Variants in ADGRV1 observed in about 807,000 individuals in gnomAD.
ADGRV1 encodes the protein adhesion G protein-coupled receptor V1.
ADGRV1 carries 359 observed loss-of-function variants against 596.2 expected under a neutral mutation model. The ratio of observed to expected loss-of-function variants is 0.60; its 90% CI spans 0.55 to 0.66. The LOEUF (loss-of-function observed/expected upper bound fraction) is 0.66. ADGRV1 is among the 30% of genes least tolerant of loss of function. ADGRV1 has a pLI of 0.00. For missense variants in ADGRV1, 7,274 were observed against 7,575.6 expected, an observed-to-expected ratio of 0.96 and a Z score of 1.48; for synonymous variants, 2,681 against 2,679.2, an observed-to-expected ratio of 1.00 and a Z score of -0.02.
In ADGRV1 at chr5:90,627,478, G is replaced by A. The variant is rs533540279; in HGVS notation, c.940G>A (p.Ala314Thr). 27 of 1,613,968 alleles carry A rather than the reference G, an allele frequency of 1.7e-5. No individual in the cohort carries two copies. In the East Asian group the frequency reaches 5.3e-4, roughly 32 times the overall value. The change falls in exon 7 of 90, where the codon GCA becomes ACA. Residue 314 changes from alanine to threonine, a missense_variant. Coordinates refer to ENST00000405460, the MANE Select transcript of ADGRV1 (RefSeq NM_032119.4). ...SYAVTTGNST[A>T]HAQQNLDFID... is the part of the protein sequence containing the mutation. ...TGCTGTCACAACTGGGAATTCCACAGCACATGCCCAGCAAAATCTGGACTT... is the reference window on the plus strand; with the variant it reads ...TGCTGTCACAACTGGGAATTCCACAACACATGCCCAGCAAAATCTGGACTT...
At chr5:90,722,528 C>T (rs781236787) in intron 45 of ADGRV1, among the ~76,000 whole-genome samples, 71 of 150,920 alleles carry the variant, frequency 4.7e-4, no homozygotes, top group Non-Finnish European at 8.3e-4. Flanking sequence ...CTGACCCACA[C>T]GGAGAAACCC....
intron 34 of ADGRV1, among the ~76,000 whole-genome samples, chr5:90,699,680 T>C (rs1047804294): frequency 6.6e-6 from 1 of 152,118 alleles, no homozygotes; most frequent in African/African-American, 2.4e-5. Context: ...GTGCTAGTGG[T>C]GAGTTGGAGG....
intron 83 of ADGRV1, among the ~76,000 whole-genome samples, chr5:90,909,565 G>A (rs1375965270): frequency 7.7e-6 from 1 of 130,160 alleles, no homozygotes; most frequent in African/African-American, 2.7e-5. Flanking sequence ...CAACCAACTT[G>A]CTTGGTATGA....
chr5:90,686,003 A>G lies in ADGRV1; in HGVS notation c.6490+8A>G, dbSNP rs770383239. On this transcript the variant is annotated splice_region_variant and intron_variant, in intron 29 of 89. Transcript: ENST00000405460. ...CAATAACTGCAATAGCTGGTAAGAA[A>G]AGACATCTAAAAAGCAGTACATACA... 5 of 1,552,024 alleles carry G rather than the reference A, an allele frequency of 3.2e-6. No homozygotes were observed. The Admixed American group carries it at 9.4e-5, about 29-fold the overall frequency.
chr5:90,727,844 A>G (rs1752005137), intron 48 of ADGRV1, among the ~76,000 whole-genome samples: 1 of 152,176 alleles, frequency 6.6e-6, no homozygotes, highest in East Asian at 1.9e-4. Context: ...TATTCAGATA[A>G]TGACAAATTT....
At chr5:91,024,790 A>G (rs1258513327) in intron 85 of ADGRV1, among the ~76,000 whole-genome samples, 4 of 152,142 alleles carry the variant, frequency 2.6e-5, no homozygotes, top group African/African-American at 7.2e-5. Flanking sequence ...TGCCCTTTAA[A>G]TTTCTTGCCA....
chr5:90,937,924 G>A (rs1775851263), intron 83 of ADGRV1, among the ~76,000 whole-genome samples: 5 of 152,060 alleles, frequency 3.3e-5, no homozygotes, highest in Admixed American at 1.3e-4. Context: ...TTGTCAGATT[G>A]TTTCATAAAG....
chr5:90,794,372 CAAT>C (rs1290033963), intron 70 of ADGRV1, among the ~76,000 whole-genome samples: 1 of 152,146 alleles, frequency 6.6e-6, no homozygotes, highest in Non-Finnish European at 1.5e-5. Flanking sequence ...CACAGACTGA[CAAT>C]AAGAATCATT....
In ADGRV1 at chr5:90,653,854, T is replaced by C. The variant is rs1190604387; in HGVS notation, c.4280T>C (p.Leu1427Pro). 1 of 1,610,520 alleles carries C rather than the reference T, an allele frequency of 6.2e-7. No individual in the cohort carries two copies. The highest frequency in any genetic ancestry group is 1.3e-5 in the African/African-American group (1 of 74,926). Reference sequence around the variant, plus strand: ...TTAGAAGAAAGTGTTTGGCTTCATCTACTAATTATCCTGGAGGATGGTATA... The same window carrying C: ...TTAGAAGAAAGTGTTTGGCTTCATCCACTAATTATCCTGGAGGATGGTATA... Reference protein sequence around the residue: ...KYLEESVWLHLLIILEDGIIE... With the variant: ...KYLEESVWLHPLIILEDGIIE... Residue 1427 changes from leucine (L) to proline (P), a missense_variant, in exon 20 of 90, where the codon CTA becomes CCA. Transcript: ENST00000405460.
At chr5:90,850,412 A>G (rs16869171) in intron 79 of ADGRV1, among the ~76,000 whole-genome samples, 1,829 of 152,264 alleles carry the variant, frequency 0.012, 28 homozygotes, top group African/African-American at 0.041. Context: ...TCTGAGACCA[A>G]TGATTAACAG....
rs572418411 is a variant in ADGRV1 at position 90,914,550 on chromosome 5, A to C, written c.17856+50693A>C. The stretch of plus-strand genomic sequence containing the variant: ...AGAGTTTTAATTTTATGTTGAGTAA[A>C]ACATACCTTTACAGCAAATGTACTA... On this transcript the variant is annotated intron_variant, in intron 83 of 89. Transcript: ENST00000405460. 2.4e-4 allele frequency among the ~76,000 whole-genome samples: 37 copies of C among 152,332 alleles called. 1 individual carries two copies. Among genetic ancestry groups the C allele is most frequent in the Admixed American group, 1.7e-3 (26 of 15,302 alleles).
chr5:90,842,258 T>C (rs943438548), intron 78 of ADGRV1, among the ~76,000 whole-genome samples: 1 of 152,208 alleles, frequency 6.6e-6, no homozygotes, highest in Non-Finnish European at 1.5e-5. Flanking sequence ...TTACTAGTAC[T>C]ATCGTGAATA....
chr5:90,564,693 C>T (rs1755347968), intron 1 of ADGRV1, among the ~76,000 whole-genome samples: 1 of 87,716 alleles, frequency 1.1e-5, no homozygotes, highest in Non-Finnish European at 2.2e-5. Context: ...GTGGCGCGAT[C>T]TCGGCTCACT....
chr5:91,075,098 G>T (rs577899849), intron 86 of ADGRV1, among the ~76,000 whole-genome samples: 8 of 151,998 alleles, frequency 5.3e-5, no homozygotes, highest in Non-Finnish European at 7.4e-5. Context: ...CATTGTGAGC[G>T]CATAGTTTGC....
rs971919629 is a variant in ADGRV1, at chr5:90,780,735, G to A, written c.13083-695G>A. On this transcript the variant is annotated intron_variant, in intron 64 of 89. Coordinates refer to ENST00000405460, the MANE Select transcript of ADGRV1 (RefSeq NM_032119.4). ...TTTTCTTTCTTTCCAAAGTCTTGCT[G>A]TGTCACCCAGGACAGAGTGCAGTGG... is the stretch of plus-strand genomic sequence containing the variant. Among the ~76,000 whole-genome samples the A allele has an allele frequency of 2.0e-5, 3 of 150,702 alleles. No homozygotes were observed. In the East Asian group the frequency reaches 5.8e-4, roughly 29 times the overall value.
chr5:90,939,065 A>C (rs1223730679), intron 83 of ADGRV1, among the ~76,000 whole-genome samples: 2 of 152,226 alleles, frequency 1.3e-5, no homozygotes, highest in African/African-American at 4.8e-5. Flanking sequence ...GAAGACTGAT[A>C]ATCTGTTTTA....
intron 17 of ADGRV1, among the ~76,000 whole-genome samples, chr5:90,650,725 A>G (rs1004492920): frequency 6.0e-5 from 9 of 150,980 alleles, no homozygotes; most frequent in African/African-American, 2.2e-4. Context: ...CTGTATGTGT[A>G]TGTGTGTGTG....
chr5:90,802,654 C>T (rs1761496948), intron 70 of ADGRV1, 85 bp from the exon 71 acceptor site: 6 of 1,252,022 alleles, frequency 4.8e-6, no homozygotes, highest in Non-Finnish European at 6.8e-6. Flanking sequence ...AAAGCAACCT[C>T]AGGCATTATG....
At chr5:90,854,532 C>A (rs1443363626) in intron 81 of ADGRV1, among the ~76,000 whole-genome samples, 1 of 152,148 alleles carries the variant, frequency 6.6e-6, no homozygotes, top group African/African-American at 2.4e-5. Flanking sequence ...CCTTCTTTTA[C>A]CCTTTCCATC....
Sources: gnomAD v4.1 joint callset for allele counts (sites outside exome capture counted in the v4.1 genomes callset) on GRCh38, gnomAD v4.1.1 for gene constraint, MANE v1.5 for transcripts, NCBI Gene and HGNC (gene_info 2026-07-23, HGNC 2026-07-21) for gene names.